Variants in ARHGEF28 observed in about 807,000 individuals in gnomAD.
The protein encoded by ARHGEF28 is 190 kDa guanine nucleotide exchange factor.
In ARHGEF28, 152 loss-of-function variants were observed where a neutral mutation model predicts 206.6. That is an observed-to-expected ratio of 0.74 (90% confidence interval 0.64 to 0.84). The LOEUF is 0.84. Among genes scored for constraint, ARHGEF28 ranks in the 40% least tolerant of loss-of-function variants. ARHGEF28 has a pLI of 0.00. For synonymous variants in ARHGEF28, 763 were observed against 776.4 expected (o/e 0.98, Z 0.29); for missense variants, 2,028 against 2,073.2 (o/e 0.98, Z 0.42).
At chr5:73,660,901 C>A (rs1160974971) in intron 1 of ARHGEF28, among the ~76,000 whole-genome samples, 2 of 152,144 alleles carry the variant, frequency 1.3e-5, no homozygotes, top group East Asian at 3.9e-4. Context: ...ATTTAGCATA[C>A]TTCCTAAGGG....
intron 35 of ARHGEF28, among the ~76,000 whole-genome samples, chr5:73,912,091 G>A (rs1410867263): frequency 6.6e-6 from 1 of 151,356 alleles, no homozygotes; most frequent in East Asian, 1.9e-4. Context: ...AAAAAGTGTT[G>A]TCTCTCCATA....
Position 73,868,953 on chromosome 5 carries a change from G to A in ARHGEF28, c.2425+726G>A, listed in dbSNP as rs565861076. 3.9e-5 allele frequency among the ~76,000 whole-genome samples: 6 copies of A among 151,992 alleles called. No homozygotes were observed. The South Asian group carries it at 1.2e-3, about 32-fold the overall frequency. On this transcript the variant is annotated intron_variant, in intron 20 of 35. Coordinates refer to ENST00000513042, the MANE Select transcript of ARHGEF28 (RefSeq NM_001177693.2). Reference sequence around the variant, plus strand: ...TGAGCCACTGTGCCCAGCCATTAAAGCATTTTTTAAAGCATATTTTATAGA... The same window carrying A: ...TGAGCCACTGTGCCCAGCCATTAAAACATTTTTTAAAGCATATTTTATAGA...
chr5:73,726,648 G>A (rs886228908), intron 2 of ARHGEF28, among the ~76,000 whole-genome samples: 5 of 152,154 alleles, frequency 3.3e-5, no homozygotes, highest in Non-Finnish European at 2.9e-5. Flanking sequence ...GCTGAATAGC[G>A]TTTCAGGGTG....
At chr5:73,796,172 C>A (rs918867869) in intron 9 of ARHGEF28, among the ~76,000 whole-genome samples, 1 of 152,320 alleles carries the variant, frequency 6.6e-6, no homozygotes, top group Non-Finnish European at 1.5e-5. Context: ...GCTGAGCTAT[C>A]AGCAGAGGCT....
intron 1 of ARHGEF28, among the ~76,000 whole-genome samples, chr5:73,639,688 G>A (rs1296000475): frequency 6.6e-6 from 1 of 152,114 alleles, no homozygotes; most frequent in African/African-American, 2.4e-5. Context: ...GGACTACATA[G>A]CATAGTAAGC....
At chr5:73,911,636 T>C in intron 35 of ARHGEF28, 61 bp downstream of exon 35, 38 of 1,479,298 alleles carry the variant, frequency 2.6e-5, no homozygotes, top group Non-Finnish European at 3.4e-5. Context: ...CTCTGAATGG[T>C]TGGCTCTTGT....
chr5:73,767,682 A>G (rs899924407), intron 4 of ARHGEF28, among the ~76,000 whole-genome samples: 4 of 152,168 alleles, frequency 2.6e-5, no homozygotes, highest in African/African-American at 9.7e-5. Context: ...AGAGCATAAA[A>G]GTTTGGAAAA....
chr5:73,649,306 G>T (rs1186688126), intron 1 of ARHGEF28, among the ~76,000 whole-genome samples: 5 of 152,178 alleles, frequency 3.3e-5, no homozygotes, highest in African/African-American at 7.2e-5. Context: ...GTGGAAGGGG[G>T]ACAGGAGCCC....
chr5:73,698,548 C>G (rs1288585870), intron 2 of ARHGEF28, among the ~76,000 whole-genome samples: 1 of 151,854 alleles, frequency 6.6e-6, no homozygotes, highest in African/African-American at 2.4e-5. Context: ...TCTTTGGGAG[C>G]CTTGAAGCTT....
chr5:73,775,047 A>G (rs1753466169), intron 5 of ARHGEF28, among the ~76,000 whole-genome samples: 1 of 152,226 alleles, frequency 6.6e-6, no homozygotes, highest in Admixed American at 6.5e-5. Flanking sequence ...TCAAATGACC[A>G]TCAGCCAAGG....
At chr5:73,845,209 T>G (rs894390195) in intron 11 of ARHGEF28, among the ~76,000 whole-genome samples, 25 of 151,956 alleles carry the variant, frequency 1.6e-4, no homozygotes, top group Middle Eastern at 3.4e-3. Context: ...AGTAGAGATG[T>G]AGTTTCACCG....
chr5:73,639,818 C>T (rs764811545), intron 1 of ARHGEF28, among the ~76,000 whole-genome samples: 1 of 152,090 alleles, frequency 6.6e-6, no homozygotes, highest in Non-Finnish European at 1.5e-5. Context: ...TAGAGGCATT[C>T]CTGCTATTCA....
chr5:73,805,253 C>T (rs1337590228), intron 9 of ARHGEF28, among the ~76,000 whole-genome samples: 1 of 152,066 alleles, frequency 6.6e-6, no homozygotes, highest in Non-Finnish European at 1.5e-5. Flanking sequence ...GTACACAACA[C>T]TATGCCTTTA....
Position 73,849,052 on chromosome 5 carries a change from T to C in ARHGEF28, c.1712T>C (p.Leu571Ser). The C allele has an allele frequency of 6.4e-7, 1 of 1,574,544 alleles. No homozygotes were observed. Among genetic ancestry groups the C allele is most frequent in the Admixed American group, 1.8e-5 (1 of 54,582 alleles). ...AAAATTTCTTTAGGAAAAACTCGTT[T>C]GGTGCGTGAATTAACAGTATGCAGT... ...SPKISLGKTRLVRELTVCSSS... is the reference protein window; with the variant it reads ...SPKISLGKTRSVRELTVCSSS... The change falls in exon 13 of 36, where the codon TTG becomes TCG. Residue 571 changes from leucine (L) to serine (S), a missense_variant. This residue lies in a region of ARHGEF28 where 1,002 missense variants were observed against 1,015.3 expected (regional missense o/e 0.99). Transcript: ENST00000513042.
intron 2 of ARHGEF28, among the ~76,000 whole-genome samples, chr5:73,742,562 C>T (rs1178923765): frequency 4.0e-5 from 6 of 151,728 alleles, no homozygotes; most frequent in Non-Finnish European, 5.9e-5. Flanking sequence ...CAGTGGCTCA[C>T]GCCTGTAATC....
At position 73,911,285 on chromosome 5, in the gene ARHGEF28, T is replaced by G. The variant is rs779172379; in HGVS notation, c.4658T>G (p.Leu1553Arg). The change falls in exon 35 of 36, where the codon CTT becomes CGT. Residue 1553 changes from leucine to arginine, a missense_variant. Leu to Arg is a moderately radical substitution (Grantham distance 102, BLOSUM62 -2). This residue lies in a region of ARHGEF28 where 803 missense variants were observed against 768.0 expected (regional missense o/e 1.05). Coordinates refer to ENST00000513042, the MANE Select transcript of ARHGEF28 (RefSeq NM_001177693.2). ...LLPGGPEVME[L>R]NRSESLCHEN... ...TGTTTCTTTACACAGGTAATGGAAC[T>G]TAATCGATCTGAGAGTTTATGTCAT... is the stretch of plus-strand genomic sequence containing the variant. 6.3e-7 allele frequency: 1 copy of G among 1,589,020 alleles called. No individual in the cohort carries two copies.
chr5:73,669,580 G>A (rs1746180119), intron 1 of ARHGEF28, among the ~76,000 whole-genome samples: 1 of 152,200 alleles, frequency 6.6e-6, no homozygotes, highest in Non-Finnish European at 1.5e-5. Flanking sequence ...TCCCACAATG[G>A]AAACATTTTA....
At chr5:73,937,466 A>G (rs951421024) in intron 35 of ARHGEF28, among the ~76,000 whole-genome samples, 1 of 152,218 alleles carries the variant, frequency 6.6e-6, no homozygotes, top group Non-Finnish European at 1.5e-5. Context: ...CGCTCTGTTT[A>G]GTTTCCAGAG....
chr5:73,688,635 T>C (rs6874316), intron 2 of ARHGEF28, among the ~76,000 whole-genome samples: 1 of 151,856 alleles, frequency 6.6e-6, no homozygotes, highest in Non-Finnish European at 1.5e-5. Flanking sequence ...TTTTTTCTTT[T>C]TGGGGAGAGA....
Sources: allele counts gnomAD v4.1 joint callset (sites outside exome capture counted in the v4.1 genomes callset), GRCh38; gene constraint gnomAD v4.1.1; regional missense constraint gnomAD v4.1.1; transcripts MANE v1.5; gene names NCBI Gene and HGNC (gene_info 2026-07-23, HGNC 2026-07-21).